PFKFB1: variants seen among roughly 807,000 people sequenced by gnomAD.
The protein encoded by PFKFB1 is 6-phosphofructo-2-kinase/fructose-2,6-bisphosphatase 1.
Under a neutral mutation model 46.4 loss-of-function variants are expected in PFKFB1, and 34 were observed. The ratio of observed to expected loss-of-function variants is 0.73; its 90% CI spans 0.56 to 0.98. PFKFB1 has a LOEUF of 0.98. Ranked by LOEUF, PFKFB1 falls within the 50% of genes least tolerant of loss-of-function variation. The probability of loss-of-function intolerance (pLI) is 0.00; values close to 1 mark genes in which losing one functional copy is unlikely to be tolerated. For synonymous variants in PFKFB1, 119 were observed against 133.8 expected (o/e 0.89, Z 0.76); for missense variants, 393 against 376.3 (o/e 1.04, Z -0.37).
At chrX:54,955,395 G>A (rs1178645341) in intron 7 of PFKFB1, among the ~76,000 whole-genome samples, 2 of 111,514 alleles carry the variant, frequency 1.8e-5, no homozygotes. Flanking sequence ...CATTTTCAAA[G>A]AGAGTAGGGT....
chrX:54,979,728 T>C (rs1175664699), intron 1 of PFKFB1, among the ~76,000 whole-genome samples: 2 of 112,285 alleles, frequency 1.8e-5, no homozygotes, highest in East Asian at 5.6e-4. Flanking sequence ...ATACCTCTTG[T>C]TATTCATGAC....
intron 1 of PFKFB1, among the ~76,000 whole-genome samples, chrX:54,977,589 T>C (rs1362454245): frequency 2.7e-5 from 3 of 111,154 alleles, no homozygotes; most frequent in East Asian, 2.8e-4. Context: ...AACGTATATA[T>C]AAATAGACAT....
intron 10 of PFKFB1, among the ~76,000 whole-genome samples, chrX:54,938,052 G>A (rs1933466256): frequency 8.9e-6 from 1 of 111,757 alleles, no homozygotes; most frequent in African/African-American, 3.3e-5. Context: ...TATAAATATA[G>A]GGCCCCAAAA....
At chrX:54,983,417 T>C (rs1935043185) in intron 1 of PFKFB1, among the ~76,000 whole-genome samples, 1 of 111,769 alleles carries the variant, frequency 8.9e-6, no homozygotes, top group South Asian at 3.7e-4. Flanking sequence ...AGGGAGAACA[T>C]GCAGTATTTG....
upstream of PFKFB1, chrX:54,998,534 C>T: frequency 1.5e-6 from 1 of 646,849 alleles, no homozygotes; most frequent in Admixed American, 2.7e-5. Context: ...CGTTGGTTCC[C>T]TGAGAAGGCT....
At chrX:54,995,540 G>A (rs953452719), upstream of PFKFB1, among the ~76,000 whole-genome samples, 3 of 112,053 alleles carry the variant, frequency 2.7e-5, no homozygotes, top group African/African-American at 9.7e-5. Context: ...AGAGCAATAG[G>A]CTCTGGAGCA....
intron 1 of PFKFB1, among the ~76,000 whole-genome samples, chrX:54,975,168 G>T: frequency 9.0e-6 from 1 of 111,291 alleles, no homozygotes; most frequent in Middle Eastern, 4.6e-3. Context: ...GTTTATAGCA[G>T]CACACTTCAC....
At chrX:54,939,161 T>G (rs1362042990) in intron 10 of PFKFB1, among the ~76,000 whole-genome samples, 1 of 111,145 alleles carries the variant, frequency 9.0e-6, no homozygotes, top group Non-Finnish European at 1.9e-5. Flanking sequence ...CATAACGAAA[T>G]GAAGGCAGAA....
At chrX:54,947,514 G>C (rs1761959558) in intron 9 of PFKFB1, among the ~76,000 whole-genome samples, 1 of 112,320 alleles carries the variant, frequency 8.9e-6, no homozygotes, top group African/African-American at 3.2e-5. Context: ...TACAGCAAAT[G>C]TATGTGGTAT....
chrX:54,940,010 G>T (rs911859158), intron 10 of PFKFB1, among the ~76,000 whole-genome samples: 1 of 111,709 alleles, frequency 9.0e-6, no homozygotes, highest in Non-Finnish European at 1.9e-5. Context: ...CTGGCAAACC[G>T]AATCCAGCAA....
At chrX:54,959,615 A>G in intron 4 of PFKFB1, among the ~76,000 whole-genome samples, 1 of 111,899 alleles carries the variant, frequency 8.9e-6, no homozygotes, top group Non-Finnish European at 1.9e-5. Flanking sequence ...CCACCTTGGG[A>G]AATTATTTAA....
At chrX:54,936,185 C>G (rs1933383282) in intron 11 of PFKFB1, among the ~76,000 whole-genome samples, 1 of 111,403 alleles carries the variant, frequency 9.0e-6, no homozygotes, top group African/African-American at 3.3e-5. Flanking sequence ...TGACCCAGCT[C>G]TGCCACTGCC....
At chrX:54,985,650 T>C (rs1935094725) in intron 1 of PFKFB1, among the ~76,000 whole-genome samples, 1 of 111,053 alleles carries the variant, frequency 9.0e-6, no homozygotes, top group Non-Finnish European at 1.9e-5. Context: ...TTCTCCTTAA[T>C]TTTCTCAGCT....
At chrX:54,996,945 C>G (rs932366197), upstream of PFKFB1, among the ~76,000 whole-genome samples, 1 of 111,344 alleles carries the variant, frequency 9.0e-6, no homozygotes, top group Non-Finnish European at 1.9e-5. Flanking sequence ...CCACATGCTC[C>G]TATCTGAGCA....
At chrX:54,951,217 C>G (rs1933964690) in intron 8 of PFKFB1, among the ~76,000 whole-genome samples, 1 of 112,576 alleles carries the variant, frequency 8.9e-6, no homozygotes, top group African/African-American at 3.2e-5. Context: ...CAGCAACCAG[C>G]CAGTAGGTCA....
At chrX:54,996,796 T>A (rs1266333238), upstream of PFKFB1, among the ~76,000 whole-genome samples, 1 of 111,730 alleles carries the variant, frequency 9.0e-6, no homozygotes, top group Non-Finnish European at 1.9e-5. Context: ...TGGCCTTTGC[T>A]CAGCCTGAAA....
At chrX:54,997,507 C>G (rs189762191), upstream of PFKFB1, among the ~76,000 whole-genome samples, 5,201 of 111,517 alleles carry the variant, frequency 0.047, 316 homozygotes, top group African/African-American at 0.16. Context: ...GCATGTGTAT[C>G]GGGGGAGAAT....
Position 54,937,706 on chromosome X carries a change from G to A in PFKFB1, c.1117C>T (p.Gln373Ter), listed in dbSNP as rs899872635. The part of the protein sequence containing the change: ...PKGESYEDLV[Q>*]RLEPVIMELE... ...TCCATTATCACTGGCTCCAGACGCT[G>A]AACCAGATCCTCATAGGACTAAACG... Residue 373 changes from glutamine to a stop codon, truncating the protein, a stop_gained, in exon 11 of 14, where the codon CAG (glutamine) becomes TAG (stop). Transcript: ENST00000375006. LOFTEE classifies it high-confidence loss of function. 2.5e-6 allele frequency: 3 copies of A among 1,207,073 alleles called. No individual in the cohort carries two copies. The African/African-American group carries it at 5.2e-5, about 21-fold the overall frequency.
Position 54,994,138 on chromosome X carries a change from G to A in PFKFB1, c.-131C>T, listed in dbSNP as rs1486468863. 5 of 1,095,313 alleles carry A rather than the reference G, an allele frequency of 4.6e-6. No individual in the cohort carries two copies. The highest frequency in any genetic ancestry group is 3.6e-6 in the Non-Finnish European group (3 of 841,803). 90.3% of individuals were successfully genotyped at this position (1,095,313 alleles called of 1,213,427 possible). On this transcript the variant is annotated 5_prime_UTR_variant, in exon 1 of 14. Coordinates refer to ENST00000375006, the MANE Select transcript of PFKFB1 (RefSeq NM_002625.4). The stretch of plus-strand genomic sequence containing the variant: ...AGGGCTGGGACAGGGGGTGTACTGG[G>A]TTTCTGAGCCCTCTCAAAGTCTGTC...
Sources: allele counts gnomAD v4.1 joint callset (sites outside exome capture counted in the v4.1 genomes callset), GRCh38; gene constraint gnomAD v4.1.1; transcripts MANE v1.5; gene names NCBI Gene and HGNC (gene_info 2026-07-23, HGNC 2026-07-21).